PCLO: variants seen among roughly 807,000 people sequenced by gnomAD.
PCLO encodes the protein piccolo presynaptic cytomatrix protein.
A neutral mutation model predicts 427.5 loss-of-function variants in PCLO; 82 were observed. The ratio of observed to expected loss-of-function variants is 0.19; its 90% CI spans 0.16 to 0.23. The LOEUF (loss-of-function observed/expected upper bound fraction) is 0.23, where lower values mean the gene tolerates loss of function less well. Ranked by LOEUF, PCLO falls within the 10% of genes least tolerant of loss-of-function variation. The pLI is 1.00. For synonymous variants in PCLO, 2,357 were observed against 2,155.4 expected, an observed-to-expected ratio of 1.09 and a Z score of -2.59; for missense variants, 6,239 against 6,115.9, an observed-to-expected ratio of 1.02 and a Z score of -0.67.
intron 10 of PCLO, among the ~76,000 whole-genome samples, chr7:82,866,085 C>A (rs1323690586): frequency 3.3e-5 from 5 of 152,152 alleles, no homozygotes. Flanking sequence ...TCTTGCTGTT[C>A]TTGGCACACA....
At chr7:82,962,711 A>G (rs1795680499) in intron 4 of PCLO, among the ~76,000 whole-genome samples, 1 of 151,998 alleles carries the variant, frequency 6.6e-6, no homozygotes, top group Admixed American at 6.6e-5. Flanking sequence ...TTAAAAATTG[A>G]GAAGTAATTT....
At position 83,148,333 on chromosome 7, in the gene PCLO, C is replaced by T. The variant is rs142607859; in HGVS notation, c.1893+6415G>A. Among the ~76,000 whole-genome samples the T allele has an allele frequency of 2.3e-3, 347 of 152,264 alleles. 4 individuals carry two copies. Among genetic ancestry groups the T allele is most frequent in the African/African-American group, 8.0e-3 (333 of 41,548 alleles). On this transcript the variant is annotated intron_variant, in intron 2 of 24. Transcript: ENST00000333891. ...CCCTCTCTTGGAACATACTACAACCCTCCCCTACTTCAATTTTCTTCATAA... is the reference window on the plus strand; with the variant it reads ...CCCTCTCTTGGAACATACTACAACCTTCCCCTACTTCAATTTTCTTCATAA...
At chr7:83,088,342 C>T (rs13237199) in intron 3 of PCLO, among the ~76,000 whole-genome samples, 6 of 151,890 alleles carry the variant, frequency 4.0e-5, no homozygotes, top group Admixed American at 3.3e-4. Context: ...ACAAAGTGGA[C>T]GCACTGTGTG....
At chr7:83,026,432 C>T (rs1397632765) in intron 3 of PCLO, among the ~76,000 whole-genome samples, 1 of 152,168 alleles carries the variant, frequency 6.6e-6, no homozygotes, top group African/African-American at 2.4e-5. Context: ...GCACCCAATA[C>T]AGGAGGACCC....
At position 82,954,189 on chromosome 7, in the gene PCLO, C is replaced by T. The variant is rs1584212683; in HGVS notation, c.6764G>A (p.Gly2255Asp). The stretch of plus-strand genomic sequence containing the variant: ...AACAATATGATCAGCACTAGCTCTA[C>T]CATCTGGTGGGGCAGTCCGATCTAA... ...VSLDRTAPPD[G>D]RASADHIVIS... is the part of the protein sequence containing the mutation. Residue 2255 changes from glycine to aspartate, a missense_variant, in exon 5 of 25, where the codon GGT (glycine) becomes GAT (aspartate). Around this residue, in one of 5 missense-constraint regions of PCLO, gnomAD observed 4,677 missense variants for 4,468.4 expected, o/e 1.05. Coordinates refer to ENST00000333891, the MANE Select transcript of PCLO (RefSeq NM_033026.6). 1 of 1,613,494 alleles carries T rather than the reference C, an allele frequency of 6.2e-7. No individual in the cohort carries two copies. The highest frequency in any genetic ancestry group is 8.5e-7 in the Non-Finnish European group (1 of 1,179,582).
intron 3 of PCLO, among the ~76,000 whole-genome samples, chr7:83,090,127 C>A (rs1373201377): frequency 6.6e-6 from 1 of 152,038 alleles, no homozygotes; most frequent in African/African-American, 2.4e-5. Context: ...ACATGGTAAA[C>A]CCTGTCTCTA....
At chr7:82,958,329 T>C (rs889639649) in intron 4 of PCLO, among the ~76,000 whole-genome samples, 3 of 144,616 alleles carry the variant, frequency 2.1e-5, no homozygotes, top group African/African-American at 8.5e-5. Context: ...CTTCCTTCCT[T>C]CTTCCTTCCT....
At chr7:83,086,835 A>T (rs1433803852) in intron 3 of PCLO, among the ~76,000 whole-genome samples, 1 of 152,112 alleles carries the variant, frequency 6.6e-6, no homozygotes, top group Non-Finnish European at 1.5e-5. Context: ...TACACAGGCA[A>T]CGTTAAATAA....
chr7:82,811,468 CAT>C (rs762788958), intron 20 of PCLO, among the ~76,000 whole-genome samples: 3 of 151,290 alleles, frequency 2.0e-5, no homozygotes, highest in Admixed American at 6.6e-5. Flanking sequence ...AGTTTTATCT[CAT>C]GTTTTAATTT....
intron 3 of PCLO, among the ~76,000 whole-genome samples, chr7:83,125,378 A>T (rs1022173366): frequency 6.6e-6 from 1 of 152,134 alleles, no homozygotes; most frequent in Non-Finnish European, 1.5e-5. Context: ...CCACCACCCC[A>T]TCTGGGAGGT....
chr7:82,811,743 T>C (rs1254219172), intron 20 of PCLO, among the ~76,000 whole-genome samples: 1 of 151,546 alleles, frequency 6.6e-6, no homozygotes, highest in Non-Finnish European at 1.5e-5. Context: ...CTAGCTTCAA[T>C]AGAGCTATTT....
chr7:82,994,017 A>G (rs768661747), intron 3 of PCLO, among the ~76,000 whole-genome samples: 12 of 152,078 alleles, frequency 7.9e-5, no homozygotes, highest in Non-Finnish European at 1.0e-4. Flanking sequence ...TAGTTGATGC[A>G]ATATTGGGAG....
intron 3 of PCLO, among the ~76,000 whole-genome samples, chr7:83,016,897 C>T (rs998447534): frequency 1.3e-5 from 2 of 152,058 alleles, no homozygotes; most frequent in Non-Finnish European, 2.9e-5. Context: ...GGACAGATAG[C>T]AGAGCCAATG....
intron 3 of PCLO, among the ~76,000 whole-genome samples, chr7:83,000,889 G>A (rs1013621281): frequency 1.3e-5 from 2 of 151,974 alleles, no homozygotes; most frequent in Admixed American, 6.6e-5. Flanking sequence ...AACAATAATA[G>A]TAATAATGTA....
rs554203443 is a variant in PCLO at position 83,010,710 on chromosome 7, A to T, written c.3301-44223T>A. On this transcript the variant is annotated intron_variant, in intron 3 of 24. Coordinates refer to ENST00000333891, the MANE Select transcript of PCLO (RefSeq NM_033026.6). ...TTTATCCCTATCTGAAGCATAAATC[A>T]TCCACACTTCACATATCACCTTAGT... Among the ~76,000 whole-genome samples, 289 of 151,926 alleles carry T rather than the reference A, an allele frequency of 1.9e-3. 1 individual carries two copies. The highest frequency in any genetic ancestry group is 0.01 in the Middle Eastern group (3 of 294).
chr7:83,086,487 GAA>G (rs58410535), intron 3 of PCLO, among the ~76,000 whole-genome samples: 73,986 of 149,838 alleles, frequency 0.49, 18,179 homozygotes, highest in African/African-American at 0.51. Context: ...TGCCAAGTTG[GAA>G]AAAAAAAACA....
chr7:82,794,544 T>A (rs1791185690), intron 22 of PCLO, among the ~76,000 whole-genome samples: 1 of 136,552 alleles, frequency 7.3e-6, no homozygotes, highest in South Asian at 2.6e-4. Flanking sequence ...CGACCTCGGC[T>A]CACTGCACCC....
intron 20 of PCLO, among the ~76,000 whole-genome samples, chr7:82,817,644 G>A (rs1334338668): frequency 3.3e-5 from 5 of 152,134 alleles, no homozygotes; most frequent in East Asian, 3.9e-4. Flanking sequence ...GACAGGTGCC[G>A]CAAATGAGCT....
intron 20 of PCLO, among the ~76,000 whole-genome samples, chr7:82,814,154 AAG>A (rs1171379893): frequency 6.6e-6 from 1 of 151,842 alleles, no homozygotes; most frequent in African/African-American, 2.4e-5. Flanking sequence ...CAAAAGGAAA[AAG>A]TAACAATTAC....
Sources: gnomAD v4.1 joint callset for allele counts (sites outside exome capture counted in the v4.1 genomes callset) on GRCh38, gnomAD v4.1.1 for gene constraint, gnomAD v4.1.1 regional missense constraint, MANE v1.5 for transcripts, NCBI Gene and HGNC (gene_info 2026-07-23, HGNC 2026-07-21) for gene names.